Variants in GSK3B observed in about 807,000 individuals in gnomAD.
GSK3B encodes the protein glycogen synthase kinase 3 beta.
In GSK3B, 15 loss-of-function variants were observed where a neutral mutation model predicts 56.4. The ratio of observed to expected loss-of-function variants is 0.27; its 90% confidence interval spans 0.18 to 0.41. The LOEUF (loss-of-function observed/expected upper bound fraction) is 0.41, where lower values mean the gene tolerates loss of function less well. GSK3B is among the 10% of genes least tolerant of loss of function. GSK3B has a pLI of 1.00. For synonymous variants in GSK3B, 181 were observed against 188.9 expected (o/e 0.96, Z 0.34); for missense variants, 300 against 513.4 (o/e 0.58, Z 4.02).
intron 2 of GSK3B, among the ~76,000 whole-genome samples, chr3:119,961,621 T>A (rs2057272336): frequency 1.5e-5 from 2 of 134,822 alleles, no homozygotes; most frequent in South Asian, 4.9e-4. Context: ...AGCAAGACTC[T>A]GTCTCACAAA....
chr3:119,920,412 A>T (rs928881225), intron 4 of GSK3B, among the ~76,000 whole-genome samples: 2 of 152,006 alleles, frequency 1.3e-5, no homozygotes, highest in African/African-American at 4.8e-5. Flanking sequence ...GCCAATTTTT[A>T]TATTTTTTAG....
intron 2 of GSK3B, among the ~76,000 whole-genome samples, chr3:119,968,764 CTG>C (rs926930517): frequency 1.3e-5 from 2 of 152,010 alleles, no homozygotes; most frequent in Non-Finnish European, 2.9e-5. Context: ...AAAAATAAAA[CTG>C]TCTTTGCTCG....
chr3:119,930,274 T>G (rs1379160389), intron 3 of GSK3B, among the ~76,000 whole-genome samples: 1 of 152,210 alleles, frequency 6.6e-6, no homozygotes, highest in East Asian at 1.9e-4. Flanking sequence ...TGATTTCATT[T>G]ATTACAGGTT....
At chr3:119,863,286 T>C in intron 9 of GSK3B, 133 bp downstream of exon 9, 1 of 706,288 alleles carries the variant, frequency 1.4e-6, no homozygotes, top group African/African-American at 1.8e-5. Flanking sequence ...TTAGAAAGGA[T>C]GCTCTTTTCA....
intron 6 of GSK3B, among the ~76,000 whole-genome samples, chr3:119,911,563 G>T (rs1163313161): frequency 6.6e-6 from 1 of 152,144 alleles, no homozygotes. Flanking sequence ...AAAATCTAGA[G>T]ATGAAAGTCC....
chr3:119,977,752 T>A (rs2057421042), intron 2 of GSK3B, among the ~76,000 whole-genome samples: 1 of 152,094 alleles, frequency 6.6e-6, no homozygotes, highest in Non-Finnish European at 1.5e-5. Context: ...ATTACCAAAT[T>A]TAAGAGAGTA....
At chr3:120,036,932 T>C (rs1314260665) in intron 1 of GSK3B, among the ~76,000 whole-genome samples, 2 of 151,058 alleles carry the variant, frequency 1.3e-5, no homozygotes, top group South Asian at 2.1e-4. Context: ...TTCCCAAACA[T>C]AGAAATAAAA....
intron 10 of GSK3B, among the ~76,000 whole-genome samples, chr3:119,834,145 A>T (rs947659323): frequency 6.6e-6 from 1 of 152,150 alleles, no homozygotes; most frequent in Admixed American, 6.5e-5. Context: ...TCTCTAGAAG[A>T]TAAAATTAAC....
At chr3:120,053,183 A>G (rs895435127) in intron 1 of GSK3B, among the ~76,000 whole-genome samples, 1 of 152,132 alleles carries the variant, frequency 6.6e-6, no homozygotes, top group Admixed American at 6.5e-5. Flanking sequence ...CTAAAAATAC[A>G]AAAATTAGCC....
intron 3 of GSK3B, among the ~76,000 whole-genome samples, chr3:119,934,632 C>T (rs1458151712): frequency 1.3e-5 from 2 of 152,132 alleles, no homozygotes. Flanking sequence ...CCAAGGACAT[C>T]TGAATAAACT....
intron 1 of GSK3B, among the ~76,000 whole-genome samples, chr3:120,091,766 GA>G (rs2107588695): frequency 6.6e-6 from 1 of 151,968 alleles, no homozygotes; most frequent in South Asian, 2.1e-4. Flanking sequence ...TTCCCTGAAA[GA>G]TGCATAATCA....
intron 3 of GSK3B, among the ~76,000 whole-genome samples, chr3:119,940,233 A>C (rs1313326580): frequency 6.6e-6 from 1 of 151,892 alleles, no homozygotes; most frequent in Non-Finnish European, 1.5e-5. Context: ...TTTAGCGATA[A>C]GGAGAAAAAT....
intron 1 of GSK3B, among the ~76,000 whole-genome samples, chr3:120,082,499 C>T (rs1336754519): frequency 6.2e-5 from 9 of 144,322 alleles, no homozygotes; most frequent in African/African-American, 2.1e-4. Context: ...CAGGTTCAAG[C>T]AATTCTCTGC....
intron 7 of GSK3B, among the ~76,000 whole-genome samples, chr3:119,889,859 G>C (rs903056646): frequency 6.6e-6 from 1 of 152,002 alleles, no homozygotes; most frequent in Non-Finnish European, 1.5e-5. Context: ...GTTATACCAT[G>C]CAAAATCATA....
At chr3:120,057,250 T>C (rs1353627472) in intron 1 of GSK3B, among the ~76,000 whole-genome samples, 3 of 152,152 alleles carry the variant, frequency 2.0e-5, no homozygotes, top group Non-Finnish European at 2.9e-5. Context: ...AATTATAATA[T>C]CTCATTTAAT....
chr3:119,972,890 T>C (rs6438554), intron 2 of GSK3B, among the ~76,000 whole-genome samples: 16,091 of 152,214 alleles, frequency 0.11, 968 homozygotes, highest in African/African-American at 0.17. Flanking sequence ...CTATAGAAGT[T>C]AAAAGAGCCA....
chr3:119,825,802 T>A lies in GSK3B; in HGVS notation c.*986A>T, dbSNP rs2055494698. 1 of 220,348 alleles carries A rather than the reference T, an allele frequency of 4.5e-6. No individual in the cohort carries two copies. The highest frequency in any genetic ancestry group is 9.1e-6 in the Non-Finnish European group (1 of 110,114). 13.6% of individuals were successfully genotyped at this position (220,348 alleles called of 1,614,324 possible). A position where few individuals can be genotyped will look rare whatever the true frequency, so the allele number is the denominator to read the frequency against. ...CAGTTCACATTATTTAACTACAATG[T>A]CCTCTCAAGTGTATCTTTCCAAGGG... On this transcript the variant is annotated 3_prime_UTR_variant, in exon 11 of 11. Transcript: ENST00000264235.
chr3:119,890,055 G>C (rs924529298), intron 7 of GSK3B, among the ~76,000 whole-genome samples: 4 of 152,076 alleles, frequency 2.6e-5, no homozygotes, highest in African/African-American at 9.7e-5. Context: ...GTTGGTGGGA[G>C]TGTAAAATAG....
chr3:120,059,915 A>T (rs1266052301), intron 1 of GSK3B, among the ~76,000 whole-genome samples: 1 of 152,208 alleles, frequency 6.6e-6, no homozygotes, highest in South Asian at 2.1e-4. Context: ...TTTCACTTTC[A>T]TCAACCAAAT....
Sources: gnomAD v4.1 joint callset for allele counts (sites outside exome capture counted in the v4.1 genomes callset) on GRCh38, gnomAD v4.1.1 for gene constraint, MANE v1.5 for transcripts, NCBI Gene and HGNC (gene_info 2026-07-23, HGNC 2026-07-21) for gene names.